GNAQ: variants seen among roughly 807,000 people sequenced by gnomAD.
The protein encoded by GNAQ is guanine nucleotide-binding protein G(q) subunit alpha.
GNAQ carries 8 observed loss-of-function variants against 43.9 expected under a neutral mutation model. The ratio of observed to expected loss-of-function variants is 0.18; its 90% CI spans 0.11 to 0.33. The LOEUF is 0.33. GNAQ is among the 10% of genes least tolerant of loss of function. GNAQ has a pLI of 1.00. For missense variants in GNAQ, 158 were observed against 450.8 expected (o/e 0.35, Z 5.88); for synonymous variants, 155 against 170.7 (o/e 0.91, Z 0.71).
intron 1 of GNAQ, among the ~76,000 whole-genome samples, chr9:78,000,311 C>G (rs1823628484): frequency 6.6e-6 from 1 of 152,178 alleles, no homozygotes; most frequent in Admixed American, 6.5e-5. Context: ...GGTAAGTAAG[C>G]TGATGACCTA....
At chr9:77,748,722 C>CAGAT (rs1336519484) in intron 5 of GNAQ, among the ~76,000 whole-genome samples, 4 of 152,086 alleles carry the variant, frequency 2.6e-5, no homozygotes, top group African/African-American at 9.7e-5. Context: ...CTGTTATTGT[C>CAGAT]AGATAGAATA....
rs146383787 is a variant in GNAQ at position 77,849,257 on chromosome 9, G to T, written c.322-33487C>A. Among the ~76,000 whole-genome samples, 346 of 152,158 alleles carry T rather than the reference G, an allele frequency of 2.3e-3. 1 individual carries two copies. The highest frequency in any genetic ancestry group is 7.9e-3 in the African/African-American group (328 of 41,500). On this transcript the variant is annotated intron_variant, in intron 2 of 6. Coordinates refer to ENST00000286548, the MANE Select transcript of GNAQ (RefSeq NM_002072.5). ...ACATAACATCTCACTGCAGGGATGG[G>T]GGAATTAAAACATGACTCTCAAGCA...
At chr9:77,995,863 T>A (rs141735567) in intron 1 of GNAQ, among the ~76,000 whole-genome samples, 1 of 152,338 alleles carries the variant, frequency 6.6e-6, no homozygotes, top group East Asian at 1.9e-4. Context: ...TTCAGTTTCA[T>A]AAAATGAAAA....
chr9:77,888,353 T>C (rs1828344687), intron 2 of GNAQ, among the ~76,000 whole-genome samples: 1 of 152,212 alleles, frequency 6.6e-6, no homozygotes, highest in East Asian at 1.9e-4. Context: ...GATTTCAGAA[T>C]ACTAATTCTT....
intron 1 of GNAQ, among the ~76,000 whole-genome samples, chr9:77,930,983 C>G (rs1413920781): frequency 6.6e-6 from 1 of 151,874 alleles, no homozygotes; most frequent in East Asian, 2.0e-4. Flanking sequence ...TGCGAAGGAT[C>G]TAGGTTACAT....
In GNAQ at chr9:78,012,355, AG is replaced by A. The variant is rs1319974874; in HGVS notation, c.136+18744del. Among the ~76,000 whole-genome samples, 6 of 150,144 alleles carry A rather than the reference AG, an allele frequency of 4.0e-5. No individual in the cohort carries two copies. The East Asian group carries it at 1.2e-3, about 30-fold the overall frequency. Reference sequence around the variant, plus strand: ...CAGGTTCAAGTGACTCTCCTGCCTTAGCCTTGCAAGTAGCTGGGATTACAGG... The same window carrying A: ...CAGGTTCAAGTGACTCTCCTGCCTTACCTTGCAAGTAGCTGGGATTACAGG... On this transcript the variant is annotated intron_variant, in intron 1 of 6. Coordinates refer to ENST00000286548, the MANE Select transcript of GNAQ (RefSeq NM_002072.5).
chr9:77,797,703 T>C lies in GNAQ; in HGVS notation c.477-55A>G, dbSNP rs1485687968. 1.9e-6 allele frequency: 3 copies of C among 1,565,442 alleles called. No individual in the cohort carries two copies. In the African/African-American group the frequency reaches 4.1e-5, roughly 21 times the overall value. On this transcript the variant is annotated intron_variant, in intron 3 of 6. Coordinates refer to ENST00000286548, the MANE Select transcript of GNAQ (RefSeq NM_002072.5). The stretch of plus-strand genomic sequence containing the variant: ...CAGTGACACCATCACACCAAAGCTG[T>C]CTACGGAAAGGGAAGGACAAAAATG...
At chr9:77,785,079 G>A (rs866019738) in intron 5 of GNAQ, among the ~76,000 whole-genome samples, 1 of 152,190 alleles carries the variant, frequency 6.6e-6, no homozygotes, top group Non-Finnish European at 1.5e-5. Context: ...CCTAACCCCA[G>A]AACTTGTGAA....
At position 77,775,436 on chromosome 9, in the gene GNAQ, G is replaced by A. The variant is rs557583942; in HGVS notation, c.735+19027C>T. 9.6e-4 allele frequency among the ~76,000 whole-genome samples: 124 copies of A among 129,406 alleles called. 1 individual carries two copies. The highest frequency in any genetic ancestry group is 3.1e-3 in the South Asian group (12 of 3,902). 84.9% of individuals were successfully genotyped at this position (129,406 alleles called of 152,430 possible). On this transcript the variant is annotated intron_variant, in intron 5 of 6. Transcript: ENST00000286548. ...TTTTTTTTTTTTTTTTTGAGACAGA[G>A]TCTCGCTCTATCACCCAGGCTGGAG...
chr9:77,899,019 TGATA>T (rs1164111216), intron 2 of GNAQ, among the ~76,000 whole-genome samples: 1 of 152,218 alleles, frequency 6.6e-6, no homozygotes, highest in Non-Finnish European at 1.5e-5. Flanking sequence ...ACTTCCTTAT[TGATA>T]GATATTTGGC....
At chr9:77,934,188 T>C (rs934252831) in intron 1 of GNAQ, among the ~76,000 whole-genome samples, 3 of 142,410 alleles carry the variant, frequency 2.1e-5, no homozygotes, top group Non-Finnish European at 4.6e-5. Context: ...GATCCGCACA[T>C]AGCCACTTGG....
At chr9:78,030,975 G>A in intron 1 of GNAQ, 125 bp downstream of exon 1, 2 of 583,934 alleles carry the variant, frequency 3.4e-6, no homozygotes, top group South Asian at 6.7e-5. Flanking sequence ...CCGGGGGCGC[G>A]CCCGGGAGGG....
chr9:77,837,610 A>G (rs1827411564), intron 2 of GNAQ, among the ~76,000 whole-genome samples: 5 of 151,726 alleles, frequency 3.3e-5, no homozygotes, highest in Admixed American at 3.3e-4. Flanking sequence ...GATTTTTTAA[A>G]AAAACAACAG....
At chr9:77,909,368 A>G (rs1055117467) in intron 2 of GNAQ, among the ~76,000 whole-genome samples, 7 of 152,186 alleles carry the variant, frequency 4.6e-5, no homozygotes, top group Non-Finnish European at 8.8e-5. Flanking sequence ...CGGTCAAGAG[A>G]AGAAAGACTA....
chr9:77,995,367 A>G (rs1823555945), intron 1 of GNAQ, among the ~76,000 whole-genome samples: 1 of 152,224 alleles, frequency 6.6e-6, no homozygotes, highest in African/African-American at 2.4e-5. Context: ...ATGACCAAGA[A>G]TTACAATTGG....
At chr9:77,846,368 C>G (rs1587942992) in intron 2 of GNAQ, among the ~76,000 whole-genome samples, 2 of 152,314 alleles carry the variant, frequency 1.3e-5, no homozygotes, top group South Asian at 2.1e-4. Flanking sequence ...ACCCTGCCTG[C>G]TCCATTCACC....
chr9:77,985,834 C>T (rs935521477), intron 1 of GNAQ, among the ~76,000 whole-genome samples: 9 of 152,032 alleles, frequency 5.9e-5, no homozygotes, highest in African/African-American at 2.2e-4. Context: ...GTGATCCACC[C>T]GCTTCAGCCT....
rs564264052 is a variant in GNAQ at position 77,730,819 on chromosome 9, T to C, written c.736-2152A>G. On this transcript the variant is annotated intron_variant, in intron 5 of 6. Coordinates refer to ENST00000286548, the MANE Select transcript of GNAQ (RefSeq NM_002072.5). ...CTGGAAATAACACTGAGAAATGATA[T>C]CTTGTAGCTTGAGATTTTATAGGCT... is the stretch of plus-strand genomic sequence containing the variant. 4.6e-5 allele frequency among the ~76,000 whole-genome samples: 7 copies of C among 152,312 alleles called. No individual in the cohort carries two copies. The East Asian group carries it at 9.6e-4, about 21-fold the overall frequency.
chr9:77,908,649 G>A (rs761633014), intron 2 of GNAQ, among the ~76,000 whole-genome samples: 6 of 152,184 alleles, frequency 3.9e-5, no homozygotes, highest in Non-Finnish European at 8.8e-5. Flanking sequence ...GCATAGCATG[G>A]AGAGTTTAAA....
Sources: allele counts gnomAD v4.1 joint callset (sites outside exome capture counted in the v4.1 genomes callset), GRCh38; gene constraint gnomAD v4.1.1; transcripts MANE v1.5; gene names NCBI Gene and HGNC (gene_info 2026-07-23, HGNC 2026-07-21).